SWAP70: variants seen among roughly 807,000 people sequenced by gnomAD.
The protein encoded by SWAP70 is switching B cell complex subunit SWAP70.
Under a neutral mutation model 80.2 loss-of-function variants are expected in SWAP70, and 34 were observed. That is an observed-to-expected ratio of 0.42 (90% CI 0.32 to 0.56). SWAP70 has a LOEUF of 0.56. SWAP70 is among the 20% of genes least tolerant of loss of function. SWAP70 has a pLI of 0.09. For missense variants in SWAP70, 578 were observed against 690.7 expected, an observed-to-expected ratio of 0.84 and a Z score of 1.83; for synonymous variants, 239 against 238.5, an observed-to-expected ratio of 1.00 and a Z score of -0.02.
At chr11:9,718,490 A>G (rs769722370) in intron 3 of SWAP70, among the ~76,000 whole-genome samples, 1 of 152,244 alleles carries the variant, frequency 6.6e-6, no homozygotes, top group Non-Finnish European at 1.5e-5. Context: ...ATGCTATATT[A>G]TGAAAAATAC....
At chr11:9,671,678 A>G (rs1428032316) in intron 1 of SWAP70, among the ~76,000 whole-genome samples, 2 of 109,644 alleles carry the variant, frequency 1.8e-5, no homozygotes, top group East Asian at 3.0e-4. Flanking sequence ...ATATATAAAT[A>G]GAAATATATA....
chr11:9,711,727 G>C (rs1476348328), intron 2 of SWAP70, among the ~76,000 whole-genome samples: 1 of 152,112 alleles, frequency 6.6e-6, no homozygotes, highest in Non-Finnish European at 1.5e-5. Flanking sequence ...CGCAGTTCTG[G>C]CTGCCTGCTC....
intron 1 of SWAP70, among the ~76,000 whole-genome samples, chr11:9,682,208 T>G (rs377304631): frequency 1.3e-5 from 2 of 152,182 alleles, no homozygotes; most frequent in East Asian, 3.9e-4. Context: ...TTCCCCAGCC[T>G]CACACTCTCT....
In SWAP70 at chr11:9,700,502, T is replaced by TG. The variant is rs1225409264; in HGVS notation, c.240+6217dup. On this transcript the variant is annotated intron_variant, in intron 2 of 11. Transcript: ENST00000318950. ...AAATATGAAATAGTTATTAAACAGT[T>TG]GCAAGGTATGCTGTCATGTATACAT... Among the ~76,000 whole-genome samples, 6 of 152,356 alleles carry TG rather than the reference T, an allele frequency of 3.9e-5. No individual in the cohort carries two copies. The South Asian group carries it at 1.2e-3, about 32-fold the overall frequency.
At chr11:9,689,458 G>A (rs1850669850) in intron 1 of SWAP70, among the ~76,000 whole-genome samples, 1 of 152,154 alleles carries the variant, frequency 6.6e-6, no homozygotes, top group African/African-American at 2.4e-5. Flanking sequence ...CTGTTATTGT[G>A]GTAACAATAG....
intron 9 of SWAP70, among the ~76,000 whole-genome samples, chr11:9,743,026 T>A (rs930987315): frequency 1.3e-5 from 2 of 149,600 alleles, no homozygotes; most frequent in African/African-American, 4.9e-5. Context: ...ATTAGGTATA[T>A]CTCCTAATGC....
In SWAP70 at chr11:9,752,783, G is replaced by A. The variant is rs1015891919; in HGVS notation, c.*2813G>A. On this transcript the variant is annotated 3_prime_UTR_variant, in exon 12 of 12. Transcript: ENST00000318950. ...TATTTTTGTGATGTGCTATGTTGAG[G>A]GGAAACCAAATATTTATGATTTTAA... 2 of 152,088 alleles carry A rather than the reference G, an allele frequency of 1.3e-5. No homozygotes were observed. Among genetic ancestry groups the A allele is most frequent in the African/African-American group, 4.8e-5 (2 of 41,388 alleles). The allele number at this position is 152,088 out of a possible 1,614,324, so 9.4% of individuals were successfully genotyped here. A position where few individuals can be genotyped will look rare whatever the true frequency, so the allele number is the denominator to read the frequency against.
rs953848431 is a variant in SWAP70 at position 9,719,534 on chromosome 11, T to TA, written c.415-5111dup. Among the ~76,000 whole-genome samples, 724 of 144,700 alleles carry TA rather than the reference T, an allele frequency of 5.0e-3. 2 individuals are homozygous for TA. The highest frequency in any genetic ancestry group is 0.015 in the African/African-American group (611 of 39,598). 94.9% of individuals were successfully genotyped at this position (144,700 alleles called of 152,430 possible). Reference sequence around the variant, plus strand: ...CTGGGCAACAAAGCGAGACTCCATCTAAAAAAAAAAAAAGTTAATGTTTGC... The same window carrying TA: ...CTGGGCAACAAAGCGAGACTCCATCTAAAAAAAAAAAAAAGTTAATGTTTGC... On this transcript the variant is annotated intron_variant, in intron 3 of 11. Coordinates refer to ENST00000318950, the MANE Select transcript of SWAP70 (RefSeq NM_015055.4).
chr11:9,700,600 A>G (rs553496289), intron 2 of SWAP70, among the ~76,000 whole-genome samples: 1 of 152,330 alleles, frequency 6.6e-6, no homozygotes, highest in African/African-American at 2.4e-5. Context: ...TAAAGAGGAA[A>G]CAGCTTAAGG....
In SWAP70 at chr11:9,675,334, A is replaced by G. The variant is rs1233891469; in HGVS notation, c.99+11056A>G. ...CAGAGAGGGAGCGAGAGAGAGAGAGAGAGAGAGGGAGCGAGAGAGAGAGAG... is the reference window on the plus strand; with the variant it reads ...CAGAGAGGGAGCGAGAGAGAGAGAGGGAGAGAGGGAGCGAGAGAGAGAGAG... On this transcript the variant is annotated intron_variant, in intron 1 of 11. Transcript: ENST00000318950. Among the ~76,000 whole-genome samples, 10 of 70,256 alleles carry G rather than the reference A, an allele frequency of 1.4e-4. 3 individuals are homozygous for G. The highest frequency in any genetic ancestry group is 8.9e-4 in the South Asian group (1 of 1,126). 46.1% of individuals were successfully genotyped at this position (70,256 alleles called of 152,430 possible). A position where few individuals can be genotyped will look rare whatever the true frequency, so the allele number is the denominator to read the frequency against.
intron 1 of SWAP70, among the ~76,000 whole-genome samples, chr11:9,676,895 C>T (rs967753477): frequency 1.2e-4 from 18 of 151,944 alleles, no homozygotes; most frequent in African/African-American, 3.4e-4. Flanking sequence ...CCTCGTGATC[C>T]GCCTGCCTCG....
chr11:9,713,331 A>G (rs772942239), intron 2 of SWAP70, 135 bp from the exon 3 acceptor site: 1 of 869,266 alleles, frequency 1.2e-6, no homozygotes, highest in East Asian at 2.7e-5. Flanking sequence ...TAAAGCAAAT[A>G]TGTAGGATAT....
chr11:9,714,992 A>G (rs1271875637), intron 3 of SWAP70, among the ~76,000 whole-genome samples: 22 of 68,782 alleles, frequency 3.2e-4, no homozygotes, highest in Admixed American at 1.1e-4. Flanking sequence ...TTTTTTTTTA[A>G]GAAACGGGGT....
At chr11:9,665,410 T>C (rs189795181) in intron 1 of SWAP70, among the ~76,000 whole-genome samples, 1 of 152,322 alleles carries the variant, frequency 6.6e-6, no homozygotes, top group East Asian at 1.9e-4. Flanking sequence ...TTTTTAAATA[T>C]TAACATACAG....
At chr11:9,730,893 T>C (rs780062341) in intron 6 of SWAP70, among the ~76,000 whole-genome samples, 6 of 152,218 alleles carry the variant, frequency 3.9e-5, no homozygotes, top group Admixed American at 1.3e-4. Flanking sequence ...GTGAGCATTG[T>C]ACCCAACAGC....
At chr11:9,681,530 G>A (rs1386051168) in intron 1 of SWAP70, among the ~76,000 whole-genome samples, 1 of 152,222 alleles carries the variant, frequency 6.6e-6, no homozygotes, top group Non-Finnish European at 1.5e-5. Context: ...GATGATGTAG[G>A]TTTAATGACT....
chr11:9,727,225 T>TA (rs1851237063), intron 4 of SWAP70, among the ~76,000 whole-genome samples: 1 of 151,882 alleles, frequency 6.6e-6, no homozygotes, highest in Admixed American at 6.6e-5. Context: ...CCATCTCTAT[T>TA]AAAAATTCAA....
intron 3 of SWAP70, among the ~76,000 whole-genome samples, chr11:9,714,261 G>A (rs1851036522): frequency 7.1e-6 from 1 of 141,080 alleles, no homozygotes; most frequent in South Asian, 2.2e-4. Context: ...AAAATCAGCT[G>A]TAGTCCCCAC....
intron 7 of SWAP70, among the ~76,000 whole-genome samples, chr11:9,735,899 T>A (rs1275679057): frequency 6.6e-6 from 1 of 152,206 alleles, no homozygotes; most frequent in Non-Finnish European, 1.5e-5. Context: ...AACTTGAATA[T>A]GTAGATTAAT....
Sources: gnomAD v4.1 joint callset for allele counts (sites outside exome capture counted in the v4.1 genomes callset) on GRCh38, gnomAD v4.1.1 for gene constraint, MANE v1.5 for transcripts, NCBI Gene and HGNC (gene_info 2026-07-23, HGNC 2026-07-21) for gene names.